The following NELL2 variants were observed in gnomAD, a reference collection of about 807,000 sequenced individuals.
The protein encoded by NELL2 is protein kinase C-binding protein NELL2.
In NELL2, 41 loss-of-function variants were observed where a neutral mutation model predicts 109.6. That is an observed-to-expected ratio of 0.37 (90% CI 0.29 to 0.49). The LOEUF (loss-of-function observed/expected upper bound fraction) is 0.49, where lower values mean the gene tolerates loss of function less well. Ranked by LOEUF, NELL2 falls within the 20% of genes least tolerant of loss-of-function variation. The pLI, the probability that NELL2 is intolerant of heterozygous loss-of-function variation, is 0.98. For missense variants in NELL2, 900 were observed against 1,008.3 expected, an observed-to-expected ratio of 0.89 and a Z score of 1.45; for synonymous variants, 355 against 344.7, an observed-to-expected ratio of 1.03 and a Z score of -0.33.
In NELL2 at chr12:44,776,097, C is replaced by T; in HGVS notation, c.816G>A (p.Arg272=). The change falls in exon 8 of 20, where the codon AGG becomes AGA. Residue 272 remains arginine (R), a synonymous_variant. Coordinates refer to ENST00000429094, the MANE Select transcript of NELL2 (RefSeq NM_001145108.2). ...AGGTGGTTCCCTTCATGGTGCAAGT[C>T]CTTTCACAATAGCACTGATCCAATC... is the stretch of plus-strand genomic sequence containing the variant. The part of the protein sequence containing the change: ...MNRLDQCYCE[R]TCTMKGTTYR... 6.2e-7 allele frequency: 1 copy of T among 1,614,064 alleles called. No individual in the cohort carries two copies. The highest frequency in any genetic ancestry group is 8.5e-7 in the Non-Finnish European group (1 of 1,179,966).
intron 3 of NELL2, among the ~76,000 whole-genome samples, chr12:44,798,542 G>A (rs898162981): frequency 6.6e-6 from 1 of 152,026 alleles, no homozygotes; most frequent in Non-Finnish European, 1.5e-5. Context: ...AGAAATTAAT[G>A]TTCTCTATTG....
chr12:44,528,755 G>A (rs1941913960), intron 16 of NELL2, among the ~76,000 whole-genome samples: 1 of 152,168 alleles, frequency 6.6e-6, no homozygotes, highest in East Asian at 1.9e-4. Flanking sequence ...CAAAAAAAGT[G>A]AAGCAGGGTA....
At chr12:44,906,995 C>G (rs449107) in intron 1 of NELL2, among the ~76,000 whole-genome samples, 1 of 151,928 alleles carries the variant, frequency 6.6e-6, no homozygotes, top group South Asian at 2.1e-4. Flanking sequence ...AATTGAATCA[C>G]GCAGGTGGTT....
chr12:44,523,442 T>C lies in NELL2; in HGVS notation c.1847A>G (p.Asp616Gly). 6.2e-7 allele frequency: 1 copy of C among 1,614,026 alleles called. No homozygotes were observed. Among genetic ancestry groups the C allele is most frequent in the Non-Finnish European group, 8.5e-7 (1 of 1,179,988 alleles). Residue 616 changes from aspartate (D) to glycine (G), a missense_variant, in exon 17 of 20, where the codon GAT becomes GGT. Physicochemically the swap from Asp to Gly is moderately conservative, Grantham distance 94. This residue lies in a region of NELL2 where 333 missense variants were observed against 432.3 expected (regional missense o/e 0.77). Coordinates refer to ENST00000429094, the MANE Select transcript of NELL2 (RefSeq NM_001145108.2). The part of the protein sequence containing the change: ...CGTGRHSCAN[D>G]TICFNLDGGY... ...GCCATCCAAATTGAAGCAAATGGTA[T>C]CATTGGCACAGCTGTGCCTCCCGGT...
chr12:44,710,143 C>T (rs571880928), intron 11 of NELL2, among the ~76,000 whole-genome samples: 3 of 152,282 alleles, frequency 2.0e-5, no homozygotes, highest in Non-Finnish European at 2.9e-5. Flanking sequence ...CAAAACCAAA[C>T]TGCACCACCC....
At chr12:44,788,169 G>C (rs1219451282) in intron 3 of NELL2, among the ~76,000 whole-genome samples, 1 of 152,190 alleles carries the variant, frequency 6.6e-6, no homozygotes, top group Non-Finnish European at 1.5e-5. Context: ...GGACTAGATT[G>C]CAGCTCCAAC....
intron 13 of NELL2, among the ~76,000 whole-genome samples, chr12:44,645,134 G>A (rs895813077): frequency 2.6e-5 from 4 of 152,060 alleles, no homozygotes; most frequent in Admixed American, 6.6e-5. Context: ...GGAAATAAGA[G>A]GTCAATGCGA....
intron 12 of NELL2, 35 bp from the exon 13 acceptor site, chr12:44,665,644 G>A: frequency 6.3e-7 from 1 of 1,587,764 alleles, no homozygotes; most frequent in Admixed American, 1.8e-5. Flanking sequence ...GGTCAACAGT[G>A]GGCAATATTC....
At chr12:44,685,187 T>C (rs921272250) in intron 12 of NELL2, among the ~76,000 whole-genome samples, 2 of 152,162 alleles carry the variant, frequency 1.3e-5, no homozygotes, top group Non-Finnish European at 2.9e-5. Context: ...CTTGTCTCTT[T>C]TGATCTTTGT....
intron 9 of NELL2, among the ~76,000 whole-genome samples, chr12:44,770,099 A>G (rs1941489707): frequency 6.6e-6 from 1 of 152,172 alleles, no homozygotes; most frequent in Admixed American, 6.5e-5. Context: ...CTTCTATAAA[A>G]TGGGAATAAT....
intron 15 of NELL2, among the ~76,000 whole-genome samples, chr12:44,592,819 C>A (rs1944809023): frequency 2.0e-5 from 3 of 152,176 alleles, no homozygotes; most frequent in Non-Finnish European, 4.4e-5. Context: ...ATTAAGAGAG[C>A]AGAAACTTAA....
At chr12:44,891,820 C>G (rs1463986405) in intron 1 of NELL2, among the ~76,000 whole-genome samples, 1 of 152,208 alleles carries the variant, frequency 6.6e-6, no homozygotes, top group Admixed American at 6.5e-5. Context: ...GGAATTTCCT[C>G]TCTCTCCTCT....
chr12:44,561,727 G>A (rs997101089), intron 15 of NELL2, among the ~76,000 whole-genome samples: 6 of 152,154 alleles, frequency 3.9e-5, no homozygotes, highest in Admixed American at 6.5e-5. Flanking sequence ...TCAATATAGT[G>A]AAAATGGCCA....
intron 1 of NELL2, among the ~76,000 whole-genome samples, chr12:44,890,289 G>A (rs1945519045): frequency 6.6e-6 from 1 of 152,128 alleles, no homozygotes; most frequent in Non-Finnish European, 1.5e-5. Context: ...CCCTATACAG[G>A]CTGACTCTTA....
intron 11 of NELL2, among the ~76,000 whole-genome samples, chr12:44,709,799 G>C (rs1245046925): frequency 6.6e-6 from 1 of 152,108 alleles, no homozygotes; most frequent in Non-Finnish European, 1.5e-5. Context: ...CACTGATATG[G>C]CCTGCCTATG....
At chr12:44,670,508 T>C (rs2136348898) in intron 12 of NELL2, among the ~76,000 whole-genome samples, 1 of 151,678 alleles carries the variant, frequency 6.6e-6, no homozygotes, top group African/African-American at 2.4e-5. Flanking sequence ...AATTCATCAA[T>C]TAAAAGATAT....
intron 12 of NELL2, among the ~76,000 whole-genome samples, chr12:44,678,511 C>G (rs1016024515): frequency 1.3e-5 from 2 of 151,846 alleles, no homozygotes; most frequent in Admixed American, 1.3e-4. Context: ...GTGTTGATAC[C>G]AAAAGGTAGA....
intron 1 of NELL2, among the ~76,000 whole-genome samples, chr12:44,882,832 AC>A (rs1945430124): frequency 9.1e-6 from 1 of 109,594 alleles, no homozygotes; most frequent in Non-Finnish European, 1.8e-5. Flanking sequence ...CTGGCTATAT[AC>A]CTTTTTTTTT....
chr12:44,688,654 C>T (rs748215509), intron 12 of NELL2, among the ~76,000 whole-genome samples: 28 of 152,286 alleles, frequency 1.8e-4, no homozygotes, highest in South Asian at 6.2e-4. Flanking sequence ...ATCAGCAATG[C>T]GCTTGTTTGT....
Sources: gnomAD v4.1 joint callset for allele counts (sites outside exome capture counted in the v4.1 genomes callset) on GRCh38, gnomAD v4.1.1 for gene constraint, gnomAD v4.1.1 regional missense constraint, MANE v1.5 for transcripts, NCBI Gene and HGNC (gene_info 2026-07-23, HGNC 2026-07-21) for gene names.